The following PLCE1 variants were observed in gnomAD, a reference collection of about 807,000 sequenced individuals.
PLCE1 encodes the protein phospholipase C epsilon 1.
Under a neutral mutation model 242.8 loss-of-function variants are expected in PLCE1, and 119 were observed. The observed-to-expected ratio is 0.49, with a 90% CI of 0.42 to 0.57. The LOEUF is 0.57. Ranked by LOEUF, PLCE1 falls within the 20% of genes least tolerant of loss-of-function variation. The pLI, the probability that PLCE1 is intolerant of heterozygous loss-of-function variation, is 0.00. For synonymous variants in PLCE1, 945 were observed against 1,017.4 expected (o/e 0.93, Z 1.35); for missense variants, 2,441 against 2,788.8 (o/e 0.88, Z 2.81).
chr10:94,088,958 C>G lies in PLCE1; in HGVS notation c.1207-43216C>G. The G allele has an allele frequency of 3.4e-6, 3 of 881,270 alleles. No individual in the cohort carries two copies. The South Asian group carries it at 7.1e-5, about 21-fold the overall frequency. The allele number at this position is 881,270 out of a possible 1,614,324, so 54.6% of individuals were successfully genotyped here. On this transcript the variant is annotated intron_variant, in intron 2 of 32. Transcript: ENST00000371380. ...CAGAGGTTTTTGCAATGCCCTGACT[C>G]TGGATCGCAGCCCTCCCTCGATTCT...
chr10:94,200,321 A>C (rs534585626), intron 4 of PLCE1, among the ~76,000 whole-genome samples: 1 of 152,288 alleles, frequency 6.6e-6, no homozygotes, highest in South Asian at 2.1e-4. Context: ...AGCCTGGAGC[A>C]TCTGGTAGTG....
rs147720858 is a variant in PLCE1, at chr10:94,033,292, T to C, written c.1206+1040T>C. On this transcript the variant is annotated intron_variant, in intron 2 of 32. Coordinates refer to ENST00000371380, the MANE Select transcript of PLCE1 (RefSeq NM_016341.4). ...TTATGCATATATTGGATTATGTATATATACTTATGTATATATAGTATGGAT... is the reference window on the plus strand; with the variant it reads ...TTATGCATATATTGGATTATGTATACATACTTATGTATATATAGTATGGAT... 2.3e-4 allele frequency among the ~76,000 whole-genome samples: 35 copies of C among 152,180 alleles called. No homozygotes were observed. The East Asian group carries it at 6.8e-3, about 29-fold the overall frequency.
intron 20 of PLCE1, chr10:94,280,231 G>GC (rs990092756): frequency 1.8e-5 from 7 of 389,690 alleles, no homozygotes; most frequent in Admixed American, 7.6e-5. Flanking sequence ...GATAATCTTG[G>GC]CAGGAGTCGT....
At chr10:94,157,636 C>T (rs1435869683) in intron 3 of PLCE1, among the ~76,000 whole-genome samples, 1 of 152,208 alleles carries the variant, frequency 6.6e-6, no homozygotes, top group African/African-American at 2.4e-5. Flanking sequence ...CTAATCAGCT[C>T]TGTGACCTTG....
chr10:94,253,481 G>A (rs2050953578), intron 9 of PLCE1, among the ~76,000 whole-genome samples: 1 of 152,080 alleles, frequency 6.6e-6, no homozygotes, highest in Non-Finnish European at 1.5e-5. Flanking sequence ...AGCCTGCCAA[G>A]TATCTGGGAC....
chr10:94,036,004 TA>T (rs1301283911), intron 2 of PLCE1, among the ~76,000 whole-genome samples: 1 of 152,192 alleles, frequency 6.6e-6, no homozygotes, highest in East Asian at 1.9e-4. Flanking sequence ...ATACAGAGAA[TA>T]AGGGCAATGT....
At chr10:94,138,887 G>T in intron 3 of PLCE1, 1 of 168,602 alleles carries the variant, frequency 5.9e-6, no homozygotes. Context: ...CACACACCTA[G>T]GGCCCAAATG....
chr10:94,011,378 G>A (rs1403830485), intron 1 of PLCE1, among the ~76,000 whole-genome samples: 1 of 152,146 alleles, frequency 6.6e-6, no homozygotes, highest in East Asian at 1.9e-4. Context: ...CCATGATACA[G>A]TATCTCCCAC....
At chr10:94,100,493 A>G (rs1406835485) in intron 2 of PLCE1, 1 of 152,234 alleles carries the variant, frequency 6.6e-6, no homozygotes, top group Non-Finnish European at 1.5e-5. Flanking sequence ...TTTGCTCCCC[A>G]AATTTTCTTG....
At chr10:94,088,983 TG>T in intron 2 of PLCE1, 1 of 1,190,824 alleles carries the variant, frequency 8.4e-7, no homozygotes. Flanking sequence ...CCCTCGATTC[TG>T]GGTATTACAT....
chr10:94,014,205 G>A lies in PLCE1; in HGVS notation c.-364-16478G>A, dbSNP rs114867629. 8.4e-3 allele frequency among the ~76,000 whole-genome samples: 1,276 copies of A among 152,214 alleles called. 14 individuals are homozygous for A. The highest frequency in any genetic ancestry group is 0.029 in the African/African-American group (1,209 of 41,546). On this transcript the variant is annotated intron_variant, in intron 1 of 32. Transcript: ENST00000371380. ...TCACTTTCCTCTGGGTCAACAGGAG[G>A]GGGTGTCAAGAGACACCTTCCCTAA...
Position 94,329,760 on chromosome 10 carries a change from G to C in PLCE1, c.*1817G>C. The C allele has an allele frequency of 9.1e-6, 1 of 109,368 alleles. No individual in the cohort carries two copies. The highest frequency in any genetic ancestry group is 1.5e-4 in the Admixed American group (1 of 6,792). The allele number at this position is 109,368 out of a possible 1,614,324, so 6.8% of individuals were successfully genotyped here. On this transcript the variant is annotated 3_prime_UTR_variant, in exon 33 of 33. Transcript: ENST00000371380. ...ACCACCACGCTCCAGCCTGGTGACA[G>C]AGCGAGACTCCGTCTCAAAAAAAAA...
intron 30 of PLCE1, among the ~76,000 whole-genome samples, chr10:94,323,460 T>C (rs1416444298): frequency 6.6e-6 from 1 of 152,204 alleles, no homozygotes. Flanking sequence ...AAAGCCCTTA[T>C]TTATTTCTTT....
chr10:94,116,800 A>G (rs2135717707), intron 2 of PLCE1, among the ~76,000 whole-genome samples: 1 of 152,340 alleles, frequency 6.6e-6, no homozygotes, highest in Non-Finnish European at 1.5e-5. Context: ...CCCAGCCAGT[A>G]ATGGCCATGC....
chr10:94,079,713 G>A lies in PLCE1; in HGVS notation c.1206+47461G>A, dbSNP rs187351757. Among the ~76,000 whole-genome samples, 856 of 152,306 alleles carry A rather than the reference G, an allele frequency of 5.6e-3. 4 individuals carry two copies. Among genetic ancestry groups the A allele is most frequent in the Non-Finnish European group, 9.5e-3 (649 of 68,032 alleles). On this transcript the variant is annotated intron_variant, in intron 2 of 32. Transcript: ENST00000371380. Reference sequence around the variant, plus strand: ...AAAAATTCTTGCCCTAAGCCAACTGGAATTTCTGACTTCTGAATTTTTTTA... The same window carrying A: ...AAAAATTCTTGCCCTAAGCCAACTGAAATTTCTGACTTCTGAATTTTTTTA...
intron 24 of PLCE1, among the ~76,000 whole-genome samples, chr10:94,301,507 T>A (rs770066325): frequency 6.6e-6 from 1 of 152,034 alleles, no homozygotes; most frequent in Non-Finnish European, 1.5e-5. Flanking sequence ...AGAGAAACCC[T>A]CCCAGGGCCA....
chr10:94,317,654 T>TCCTG (rs2053622601), intron 29 of PLCE1, among the ~76,000 whole-genome samples: 1 of 152,334 alleles, frequency 6.6e-6, no homozygotes, highest in Middle Eastern at 3.4e-3. Context: ...CCATGATCAT[T>TCCTG]CCTGGGAAGG....
chr10:94,216,855 C>T (rs1248355280), intron 4 of PLCE1, among the ~76,000 whole-genome samples: 1 of 151,900 alleles, frequency 6.6e-6, no homozygotes, highest in African/African-American at 2.4e-5. Context: ...TGGAGCTAAG[C>T]TCCGCACAGT....
intron 24 of PLCE1, among the ~76,000 whole-genome samples, chr10:94,300,401 C>G (rs1013855078): frequency 1.3e-5 from 2 of 152,204 alleles, no homozygotes; most frequent in African/African-American, 4.8e-5. Context: ...CCGTCCCACT[C>G]AAATGGCTGT....
Sources: allele counts gnomAD v4.1 joint callset (sites outside exome capture counted in the v4.1 genomes callset), GRCh38; gene constraint gnomAD v4.1.1; transcripts MANE v1.5; gene names NCBI Gene and HGNC (gene_info 2026-07-23, HGNC 2026-07-21).